Variants in KIF26B observed in about 807,000 individuals in gnomAD.
KIF26B encodes kinesin-like protein KIF26B.
A neutral mutation model predicts 151.2 loss-of-function variants in KIF26B; 63 were observed. The observed-to-expected ratio is 0.42, with a 90% confidence interval of 0.34 to 0.51. The LOEUF is 0.51. Ranked by LOEUF, KIF26B falls within the 20% of genes least tolerant of loss-of-function variation. The pLI is 0.07. For synonymous variants in KIF26B, 1,357 were observed against 1,262.1 expected, an observed-to-expected ratio of 1.08 and a Z score of -1.59; for missense variants, 2,813 against 2,913.6, an observed-to-expected ratio of 0.97 and a Z score of 0.79.
intron 4 of KIF26B, among the ~76,000 whole-genome samples, chr1:245,421,084 G>C (rs1658473736): frequency 6.6e-6 from 1 of 152,210 alleles, no homozygotes; most frequent in African/African-American, 2.4e-5. Context: ...GGACCATTGT[G>C]TTAGCCCTGT....
intron 2 of KIF26B, among the ~76,000 whole-genome samples, chr1:245,335,153 C>T (rs1242009213): frequency 6.6e-6 from 1 of 152,142 alleles, no homozygotes; most frequent in Non-Finnish European, 1.5e-5. Flanking sequence ...TCTCTGGATT[C>T]TGTGGTCCAA....
intron 10 of KIF26B, among the ~76,000 whole-genome samples, chr1:245,672,092 C>T (rs1274898699): frequency 6.6e-6 from 1 of 152,070 alleles, no homozygotes; most frequent in East Asian, 1.9e-4. Context: ...ACGGTCATGC[C>T]AGTCTGAGCC....
chr1:245,590,405 G>A (rs1212330389), intron 5 of KIF26B, among the ~76,000 whole-genome samples: 2 of 152,174 alleles, frequency 1.3e-5, no homozygotes. Flanking sequence ...TCTAATTAAG[G>A]AGCGTCCACT....
At chr1:245,557,450 A>G (rs1662067267) in intron 5 of KIF26B, among the ~76,000 whole-genome samples, 1 of 152,190 alleles carries the variant, frequency 6.6e-6, no homozygotes, top group Admixed American at 6.5e-5. Context: ...TCTGGGCCTG[A>G]ACTTCTTTAT....
intron 2 of KIF26B, among the ~76,000 whole-genome samples, chr1:245,185,157 T>A (rs1486471494): frequency 6.6e-6 from 1 of 151,806 alleles, no homozygotes; most frequent in South Asian, 2.1e-4. Context: ...TTTTTTTTTT[T>A]AGACAGAGTC....
At chr1:245,617,409 CA>C (rs912730996) in intron 9 of KIF26B, among the ~76,000 whole-genome samples, 3 of 152,184 alleles carry the variant, frequency 2.0e-5, no homozygotes, top group African/African-American at 7.2e-5. Flanking sequence ...TTTGACAATG[CA>C]AATGTTTTCT....
At chr1:245,599,035 G>T (rs368101265) in intron 5 of KIF26B, among the ~76,000 whole-genome samples, 24 of 152,220 alleles carry the variant, frequency 1.6e-4, no homozygotes, top group African/African-American at 5.8e-4. Flanking sequence ...CAGCTGCCTG[G>T]ACCCTCTCTG....
chr1:245,385,471 G>A lies in KIF26B; in HGVS notation c.999+18104G>A, dbSNP rs74767238. ...AAACACATCATGCTTAGAACCAGGC[G>A]TTTGAACGCTGTCTGGAGTACTTTT... On this transcript the variant is annotated intron_variant, in intron 3 of 14. Transcript: ENST00000407071. Among the ~76,000 whole-genome samples, 188 of 152,292 alleles carry A rather than the reference G, an allele frequency of 1.2e-3. 2 individuals carry two copies. In the East Asian group the frequency reaches 0.028, roughly 23 times the overall value.
intron 5 of KIF26B, among the ~76,000 whole-genome samples, chr1:245,544,205 T>C (rs1661687342): frequency 6.6e-6 from 1 of 152,236 alleles, no homozygotes; most frequent in Non-Finnish European, 1.5e-5. Flanking sequence ...TTGCATAATT[T>C]ATATTTTAAT....
rs539426138 is a variant in KIF26B at position 245,235,168 on chromosome 1, A to C, written c.465+78485A>C. On this transcript the variant is annotated intron_variant, in intron 2 of 14. Coordinates refer to ENST00000407071, the MANE Select transcript of KIF26B (RefSeq NM_018012.4). ...AAATATTCGAATATGTTAGATTTGT[A>C]TAAACTAGGTCATTACTCTCTTGCT... Among the ~76,000 whole-genome samples, 52 of 152,340 alleles carry C rather than the reference A, an allele frequency of 3.4e-4. 1 individual carries two copies. The South Asian group carries it at 0.011, about 31-fold the overall frequency.
chr1:245,387,909 C>T (rs1398192217), intron 3 of KIF26B, among the ~76,000 whole-genome samples: 4 of 152,138 alleles, frequency 2.6e-5, no homozygotes, highest in Admixed American at 2.0e-4. Context: ...GGTCATTCAC[C>T]AAGAAACGTT....
intron 2 of KIF26B, among the ~76,000 whole-genome samples, chr1:245,180,290 A>AGC (rs1668883300): frequency 1.2e-5 from 1 of 86,658 alleles, no homozygotes; most frequent in Non-Finnish European, 3.0e-5. Flanking sequence ...TCCTGCAGGT[A>AGC]GCAGAGAGAG....
At chr1:245,551,488 G>A (rs1033726233) in intron 5 of KIF26B, among the ~76,000 whole-genome samples, 37 of 152,134 alleles carry the variant, frequency 2.4e-4, no homozygotes, top group African/African-American at 7.2e-4. Context: ...ATAGGAAATC[G>A]GAAAAACAGA....
intron 4 of KIF26B, among the ~76,000 whole-genome samples, chr1:245,531,108 TC>T: frequency 6.6e-6 from 1 of 152,260 alleles, no homozygotes; most frequent in East Asian, 1.9e-4. Flanking sequence ...TGAGACATTT[TC>T]CCCCTATAAT....
intron 3 of KIF26B, among the ~76,000 whole-genome samples, chr1:245,405,041 G>T (rs893543457): frequency 2.6e-5 from 4 of 152,160 alleles, no homozygotes; most frequent in African/African-American, 9.6e-5. Flanking sequence ...ATGTAAATAA[G>T]CATATTTTAT....
At chr1:245,449,497 C>A (rs147325102) in intron 4 of KIF26B, among the ~76,000 whole-genome samples, 62 of 152,234 alleles carry the variant, frequency 4.1e-4, no homozygotes, top group Non-Finnish European at 6.6e-4. Context: ...CTTCCCACAC[C>A]TGATTTCCAT....
At chr1:245,247,617 A>AT (rs1670362231) in intron 2 of KIF26B, among the ~76,000 whole-genome samples, 2 of 152,146 alleles carry the variant, frequency 1.3e-5, no homozygotes, top group Admixed American at 1.3e-4. Context: ...GAGCTTGTTT[A>AT]TGGAAGTAAG....
chr1:245,578,846 C>G (rs146219454), intron 5 of KIF26B, among the ~76,000 whole-genome samples: 2 of 152,360 alleles, frequency 1.3e-5, no homozygotes, highest in East Asian at 1.9e-4. Context: ...GCAGCAACTT[C>G]ATTCAACTCT....
At chr1:245,190,248 A>G (rs534815109) in intron 2 of KIF26B, among the ~76,000 whole-genome samples, 1 of 152,298 alleles carries the variant, frequency 6.6e-6, no homozygotes, top group African/African-American at 2.4e-5. Flanking sequence ...GCCAGACCAT[A>G]TCAGCAGCCT....
Sources: gnomAD v4.1 joint callset for allele counts (sites outside exome capture counted in the v4.1 genomes callset) on GRCh38, gnomAD v4.1.1 for gene constraint, MANE v1.5 for transcripts, NCBI Gene and HGNC (gene_info 2026-07-23, HGNC 2026-07-21) for gene names.